Variants in MCC observed in about 807,000 individuals in gnomAD.
MCC encodes colorectal mutant cancer protein.
Under a neutral mutation model 116.2 loss-of-function variants are expected in MCC, and 90 were observed. The ratio of observed to expected loss-of-function variants is 0.77; its 90% confidence interval spans 0.65 to 0.92. The LOEUF (loss-of-function observed/expected upper bound fraction) is 0.92, where lower values mean the gene tolerates loss of function less well. Ranked by LOEUF, MCC falls within the 40% of genes least tolerant of loss-of-function variation. The pLI, the probability that MCC is intolerant of heterozygous loss-of-function variation, is 0.00. For missense variants in MCC, 1,516 were observed against 1,312.2 expected, an observed-to-expected ratio of 1.16 and a Z score of -2.40; for synonymous variants, 578 against 510.5, an observed-to-expected ratio of 1.13 and a Z score of -1.78.
chr5:113,307,220 G>GA (rs1767009635), intron 3 of MCC, among the ~76,000 whole-genome samples: 2 of 152,178 alleles, frequency 1.3e-5, no homozygotes, highest in Non-Finnish European at 2.9e-5. Context: ...CGTGCACGGA[G>GA]TCTGTAGATC....
chr5:113,448,903 T>C (rs1371331596), intron 1 of MCC, among the ~76,000 whole-genome samples: 2 of 152,248 alleles, frequency 1.3e-5, no homozygotes, highest in Admixed American at 6.5e-5. Context: ...ATTTTATTTA[T>C]TCCTCTCAGT....
chr5:113,222,808 C>T (rs1265566558), intron 3 of MCC, among the ~76,000 whole-genome samples: 1 of 152,124 alleles, frequency 6.6e-6, no homozygotes, highest in African/African-American at 2.4e-5. Flanking sequence ...TCAAGGGGAC[C>T]ACTGCACCCA....
chr5:113,028,481 A>G (rs1048645797), intron 18 of MCC, among the ~76,000 whole-genome samples: 1 of 152,178 alleles, frequency 6.6e-6, no homozygotes, highest in Non-Finnish European at 1.5e-5. Flanking sequence ...CAGGAACAAA[A>G]GCTCTCTGAG....
intron 8 of MCC, 183 bp downstream of exon 8, chr5:113,101,556 C>A: frequency 1.8e-6 from 1 of 547,186 alleles, no homozygotes; most frequent in Non-Finnish European, 3.2e-6. Flanking sequence ...TTTTTTAAAT[C>A]TTACCTCTAT....
At chr5:113,343,808 C>A (rs1361170571) in intron 2 of MCC, among the ~76,000 whole-genome samples, 1 of 152,142 alleles carries the variant, frequency 6.6e-6, no homozygotes, top group African/African-American at 2.4e-5. Flanking sequence ...TAAACTTTTT[C>A]TTTATGCAAA....
intron 3 of MCC, among the ~76,000 whole-genome samples, chr5:113,231,410 T>C (rs1763937349): frequency 6.6e-6 from 1 of 152,172 alleles, no homozygotes; most frequent in Non-Finnish European, 1.5e-5. Context: ...GTGGTGTCCT[T>C]TTGTTTCAGT....
rs547733291 is a variant in MCC at position 113,425,674 on chromosome 5, G to A, written c.171-40462C>T. ...AAAACTTGAAGAAACAGTAATATAA[G>A]CAAATTATTATAAATTATAGAAGCA... On this transcript the variant is annotated intron_variant, in intron 1 of 18. Transcript: ENST00000408903. Among the ~76,000 whole-genome samples the A allele has an allele frequency of 2.6e-5, 4 of 152,224 alleles. No individual in the cohort carries two copies. The South Asian group carries it at 8.3e-4, about 32-fold the overall frequency.
intron 3 of MCC, among the ~76,000 whole-genome samples, chr5:113,272,185 G>C (rs1765640660): frequency 6.6e-6 from 1 of 152,140 alleles, no homozygotes; most frequent in Admixed American, 6.5e-5. Flanking sequence ...CACTTACTGT[G>C]GGAGTCCAGG....
chr5:113,049,935 C>A (rs559785720), intron 15 of MCC, among the ~76,000 whole-genome samples: 157 of 152,290 alleles, frequency 1.0e-3, no homozygotes, highest in African/African-American at 3.5e-3. Flanking sequence ...CTAAAAGTAT[C>A]CTAAGAACTC....
chr5:113,196,535 G>A (rs558024737), intron 3 of MCC, among the ~76,000 whole-genome samples: 3 of 152,280 alleles, frequency 2.0e-5, no homozygotes, highest in Admixed American at 1.3e-4. Context: ...TGATGTATAA[G>A]GGCTACTTAC....
chr5:113,408,305 G>T (rs758297955), intron 1 of MCC, among the ~76,000 whole-genome samples: 1 of 151,940 alleles, frequency 6.6e-6, no homozygotes, highest in African/African-American at 2.4e-5. Context: ...TCTATCTCTG[G>T]CATACACATG....
At chr5:113,378,983 T>C (rs983077561) in intron 2 of MCC, among the ~76,000 whole-genome samples, 1 of 152,196 alleles carries the variant, frequency 6.6e-6, no homozygotes, top group Non-Finnish European at 1.5e-5. Context: ...TTGTTTTTCA[T>C]GGGAAAATTA....
intron 6 of MCC, chr5:113,104,610 G>A (rs78726403): frequency 0.016 from 5,422 of 337,742 alleles, 52 homozygotes; most frequent in Middle Eastern, 0.026. Context: ...CACATCTTGA[G>A]TTTCTTTAGT....
chr5:113,145,196 A>ATGTT (rs1759422598), intron 4 of MCC, among the ~76,000 whole-genome samples: 5 of 152,186 alleles, frequency 3.3e-5, no homozygotes, highest in Admixed American at 2.0e-4. Flanking sequence ...TCTGTTCCCA[A>ATGTT]CCTCAGAGTG....
chr5:113,158,203 G>A (rs7731284), intron 3 of MCC, among the ~76,000 whole-genome samples: 5,933 of 152,294 alleles, frequency 0.039, 157 homozygotes, highest in East Asian at 0.091. Context: ...CTATGGGTAA[G>A]GGGGGACTAC....
chr5:113,283,395 T>A, intron 3 of MCC, among the ~76,000 whole-genome samples: 1 of 152,172 alleles, frequency 6.6e-6, no homozygotes, highest in Non-Finnish European at 1.5e-5. Context: ...AGAAAATGTA[T>A]AAATGGCCAA....
At chr5:113,338,160 A>G (rs1473046416) in intron 3 of MCC, among the ~76,000 whole-genome samples, 1 of 152,186 alleles carries the variant, frequency 6.6e-6, no homozygotes, top group African/African-American at 2.4e-5. Flanking sequence ...GAGGAAATAA[A>G]TAGTGTAATC....
chr5:113,456,762 C>T (rs1012901264), intron 1 of MCC, among the ~76,000 whole-genome samples: 9 of 149,542 alleles, frequency 6.0e-5, no homozygotes, highest in East Asian at 1.9e-4. Flanking sequence ...TGAGCCACTG[C>T]GCCCGGCCAA....
At chr5:113,115,622 C>T (rs1581094359) in intron 6 of MCC, among the ~76,000 whole-genome samples, 1 of 152,088 alleles carries the variant, frequency 6.6e-6, no homozygotes, top group African/African-American at 2.4e-5. Context: ...CTGTTACGCA[C>T]CCCCACATAA....
Sources: gnomAD v4.1 joint callset for allele counts (sites outside exome capture counted in the v4.1 genomes callset) on GRCh38, gnomAD v4.1.1 for gene constraint, MANE v1.5 for transcripts, NCBI Gene and HGNC (gene_info 2026-07-23, HGNC 2026-07-21) for gene names.